The following FRMD6 variants were observed in gnomAD, a reference collection of about 807,000 sequenced individuals.
The protein encoded by FRMD6 is FERM domain containing 6.
Under a neutral mutation model 73.2 loss-of-function variants are expected in FRMD6, and 37 were observed. The ratio of observed to expected loss-of-function variants is 0.51; its 90% confidence interval spans 0.39 to 0.66. The LOEUF (loss-of-function observed/expected upper bound fraction) is 0.66, where lower values mean the gene tolerates loss of function less well. Ranked by LOEUF, FRMD6 falls within the 30% of genes least tolerant of loss-of-function variation. The pLI is 0.00. For synonymous variants in FRMD6, 273 were observed against 282.2 expected, an observed-to-expected ratio of 0.97 and a Z score of 0.33; for missense variants, 714 against 780.5, an observed-to-expected ratio of 0.91 and a Z score of 1.02.
chr14:51,548,663 A>G (rs768458954), intron 1 of FRMD6, among the ~76,000 whole-genome samples: 1 of 152,212 alleles, frequency 6.6e-6, no homozygotes, highest in Non-Finnish European at 1.5e-5. Context: ...AAACGGGGAG[A>G]TAAGTTAAAG....
chr14:51,555,157 G>A (rs529093423), intron 1 of FRMD6, among the ~76,000 whole-genome samples: 1 of 152,300 alleles, frequency 6.6e-6, no homozygotes, highest in East Asian at 1.9e-4. Flanking sequence ...GCCACCAGAT[G>A]GCTGTCATCT....
intron 2 of FRMD6, among the ~76,000 whole-genome samples, chr14:51,578,437 A>G (rs1888523980): frequency 1.3e-5 from 2 of 152,312 alleles, no homozygotes; most frequent in South Asian, 2.1e-4. Flanking sequence ...AAACCAAAAG[A>G]GGTCGGAGGC....
At chr14:51,665,068 G>A (rs1893481516) in intron 1 of FRMD6, among the ~76,000 whole-genome samples, 1 of 152,202 alleles carries the variant, frequency 6.6e-6, no homozygotes, top group Non-Finnish European at 1.5e-5. Context: ...AGAGTTGCAA[G>A]CCTGTGGCCC....
At chr14:51,645,108 A>C (rs1020276326) in intron 2 of FRMD6, among the ~76,000 whole-genome samples, 4 of 152,228 alleles carry the variant, frequency 2.6e-5, no homozygotes, top group African/African-American at 9.6e-5. Context: ...ACCTTTGAAA[A>C]TGAAAAATCT....
chr14:51,537,025 T>C (rs1055347437), intron 1 of FRMD6, among the ~76,000 whole-genome samples: 1 of 152,220 alleles, frequency 6.6e-6, no homozygotes, highest in Non-Finnish European at 1.5e-5. Flanking sequence ...TCTACACAGA[T>C]ACATTATCAT....
intron 1 of FRMD6, among the ~76,000 whole-genome samples, chr14:51,682,991 C>T (rs950836294): frequency 6.6e-6 from 1 of 152,186 alleles, no homozygotes; most frequent in African/African-American, 2.4e-5. Context: ...CAGATGTCCT[C>T]TACCTTCCAT....
chr14:51,702,616 G>T, intron 5 of FRMD6, 28 bp downstream of exon 5: 13 of 1,573,308 alleles, frequency 8.3e-6, no homozygotes, highest in Non-Finnish European at 1.1e-5. Flanking sequence ...GATTCTAAAC[G>T]CTTTTTTTTC....
intron 1 of FRMD6, among the ~76,000 whole-genome samples, chr14:51,527,416 G>A (rs1187242634): frequency 6.6e-6 from 1 of 152,330 alleles, no homozygotes; most frequent in Admixed American, 6.5e-5. Context: ...CATAGTTGGG[G>A]CCAGGCAACA....
the FRMD6 span, among the ~76,000 whole-genome samples, chr14:51,439,367 A>G: frequency 2.0e-5 from 3 of 152,240 alleles, no homozygotes; most frequent in African/African-American, 7.2e-5. Context: ...CTGGTGAAGC[A>G]CAGCTAGAAA....
intron 1 of FRMD6, among the ~76,000 whole-genome samples, chr14:51,523,962 G>T (rs374003171): frequency 6.6e-6 from 1 of 152,210 alleles, no homozygotes; most frequent in African/African-American, 2.4e-5. Flanking sequence ...AGATGATTTT[G>T]TGCTAGCAAT....
At chr14:51,723,113 C>A (rs1897724083) in intron 12 of FRMD6, among the ~76,000 whole-genome samples, 1 of 152,192 alleles carries the variant, frequency 6.6e-6, no homozygotes, top group Non-Finnish European at 1.5e-5. Flanking sequence ...AGGCTGCTTA[C>A]CCTAAACATG....
chr14:51,697,483 G>C (rs1896026303), intron 2 of FRMD6, among the ~76,000 whole-genome samples: 1 of 152,092 alleles, frequency 6.6e-6, no homozygotes, highest in Non-Finnish European at 1.5e-5. Context: ...ATGGTTACCT[G>C]AGACTGAGGA....
chr14:51,721,145 G>A (rs969152752), intron 11 of FRMD6, among the ~76,000 whole-genome samples: 1 of 152,200 alleles, frequency 6.6e-6, no homozygotes, highest in Admixed American at 6.5e-5. Context: ...TTTGTGAACT[G>A]TCATCTGCCT....
chr14:51,605,139 C>CTTTTTTTTTTTT (rs11389733), intron 2 of FRMD6, among the ~76,000 whole-genome samples: 8 of 119,574 alleles, frequency 6.7e-5, no homozygotes, highest in Non-Finnish European at 8.5e-5. Context: ...CTGCAGGTTT[C>CTTTTTTTTTTTT]TTTTTTTTTT....
At chr14:51,561,967 C>T (rs768869031) in intron 1 of FRMD6, among the ~76,000 whole-genome samples, 68 of 152,240 alleles carry the variant, frequency 4.5e-4, no homozygotes, top group Non-Finnish European at 8.2e-4. Context: ...TCTAAAACTA[C>T]ATTTCCAGAA....
At chr14:51,541,115 A>G (rs575906721) in intron 1 of FRMD6, among the ~76,000 whole-genome samples, 49 of 152,238 alleles carry the variant, frequency 3.2e-4, no homozygotes, top group African/African-American at 1.1e-3. Flanking sequence ...CTTAGAGCAG[A>G]GGTTTCTGAG....
At chr14:51,540,084 G>C (rs756140402) in intron 1 of FRMD6, among the ~76,000 whole-genome samples, 4 of 152,124 alleles carry the variant, frequency 2.6e-5, no homozygotes, top group African/African-American at 7.2e-5. Flanking sequence ...GCAATAGTTA[G>C]AACGTGTTTT....
intron 1 of FRMD6, among the ~76,000 whole-genome samples, chr14:51,522,605 T>C (rs1692091689): frequency 6.6e-6 from 1 of 152,216 alleles, no homozygotes; most frequent in South Asian, 2.1e-4. Flanking sequence ...AAGTCAGTCA[T>C]GTGTATCTGC....
intron 7 of FRMD6, among the ~76,000 whole-genome samples, chr14:51,710,315 T>G (rs1243101096): frequency 6.6e-6 from 1 of 152,090 alleles, no homozygotes; most frequent in East Asian, 1.9e-4. Flanking sequence ...TAGGAGCTGC[T>G]CATAAACGGG....
Sources: gnomAD v4.1 joint callset for allele counts (sites outside exome capture counted in the v4.1 genomes callset) on GRCh38, gnomAD v4.1.1 for gene constraint, MANE v1.5 for transcripts, NCBI Gene and HGNC (gene_info 2026-07-23, HGNC 2026-07-21) for gene names.